RALY: variants seen among roughly 807,000 people sequenced by gnomAD.
The protein encoded by RALY is RALY heterogeneous nuclear ribonucleoprotein, also known as RNA-binding protein Raly.
In RALY, 15 loss-of-function variants were observed where a neutral mutation model predicts 30.7. The observed-to-expected ratio is 0.49, with a 90% CI of 0.33 to 0.75. The LOEUF (loss-of-function observed/expected upper bound fraction) is 0.75, where lower values mean the gene tolerates loss of function less well. Ranked by LOEUF, RALY falls within the 30% of genes least tolerant of loss-of-function variation. The pLI, the probability that RALY is intolerant of heterozygous loss-of-function variation, is 0.02. For missense variants in RALY, 339 were observed against 414.3 expected, an observed-to-expected ratio of 0.82 and a Z score of 1.58; for synonymous variants, 177 against 170.8, an observed-to-expected ratio of 1.04 and a Z score of -0.28.
chr20:34,059,295 A>G (rs917779749), intron 2 of RALY, among the ~76,000 whole-genome samples: 86 of 152,366 alleles, frequency 5.6e-4, no homozygotes, highest in African/African-American at 1.9e-3. Flanking sequence ...ATTTTAATCA[A>G]CTGCCCTGAT....
At chr20:34,079,044 C>T (rs1200520574) in intron 9 of RALY, among the ~76,000 whole-genome samples, 1 of 152,172 alleles carries the variant, frequency 6.6e-6, no homozygotes, top group East Asian at 1.9e-4. Context: ...CAAGAGCCTC[C>T]TGTGGCTGCA....
At chr20:34,011,389 A>C (rs935928218) in intron 1 of RALY, among the ~76,000 whole-genome samples, 1 of 152,192 alleles carries the variant, frequency 6.6e-6, no homozygotes, top group African/African-American at 2.4e-5. Flanking sequence ...GAATGTTGGC[A>C]GTTAACTCAG....
chr20:34,018,824 G>A lies in RALY; in HGVS notation c.-92-12698G>A, dbSNP rs540648105. Among the ~76,000 whole-genome samples the A allele has an allele frequency of 5.3e-5, 8 of 152,292 alleles. No homozygotes were observed. In the South Asian group the frequency reaches 1.7e-3, roughly 32 times the overall value. ...TGCATCCGGAGATGGAGCTCCTAAT[G>A]ATCCTTACTACATACCTTTGAGTTT... On this transcript the variant is annotated intron_variant, in intron 1 of 9. Coordinates refer to ENST00000246194, the MANE Select transcript of RALY (RefSeq NM_016732.3).
intron 1 of RALY, among the ~76,000 whole-genome samples, chr20:34,006,625 A>G (rs945650303): frequency 2.7e-5 from 4 of 148,064 alleles, no homozygotes; most frequent in African/African-American, 1.1e-4. Flanking sequence ...ATATGATTGT[A>G]ATACCATTTT....
Position 34,077,056 on chromosome 20 carries a change from C to T in RALY, c.687C>T (p.Gly229=), listed in dbSNP as rs11538301. The change falls in exon 8 of 10, where the codon GGC becomes GGT. Residue 229 remains glycine (G), a synonymous_variant. Coordinates refer to ENST00000246194, the MANE Select transcript of RALY (RefSeq NM_016732.3). ...PDGKKKGDGG[G]AGGGGGGGGS... is the part of the protein sequence containing the mutation. ...GCAAGAAGAAGGGTGATGGAGGTGGCGCCGGCGGCGGCGGCGGTGGTGGTG... is the reference window on the plus strand; with the variant it reads ...GCAAGAAGAAGGGTGATGGAGGTGGTGCCGGCGGCGGCGGCGGTGGTGGTG... The T allele has an allele frequency of 0.018, 27,136 of 1,537,190 alleles. 3,866 individuals carry two copies. In the African/African-American group the frequency reaches 0.37, roughly 21 times the overall value.
At chr20:34,017,798 A>T (rs1015568444) in intron 1 of RALY, 9 of 152,244 alleles carry the variant, frequency 5.9e-5, no homozygotes, top group Admixed American at 5.9e-4. Flanking sequence ...ATAGTTGGTC[A>T]TTCAACAGAT....
intron 2 of RALY, among the ~76,000 whole-genome samples, chr20:34,032,025 C>T (rs182670145): frequency 4.6e-4 from 70 of 152,292 alleles, no homozygotes; most frequent in Non-Finnish European, 1.9e-4. Flanking sequence ...TGCAATGGCA[C>T]GATCTCGGCT....
chr20:34,029,477 AAAGGGAGG>A (rs2032183694), intron 1 of RALY, among the ~76,000 whole-genome samples: 1 of 73,244 alleles, frequency 1.4e-5, no homozygotes, highest in South Asian at 5.4e-4. Flanking sequence ...GGGAGGGAGG[AAAGGGAGG>A]GAGGGAGGGA....
At chr20:34,001,720 G>A (rs2122973961) in intron 1 of RALY, among the ~76,000 whole-genome samples, 1 of 152,186 alleles carries the variant, frequency 6.6e-6, no homozygotes, top group African/African-American at 2.4e-5. Context: ...TCTAGATTTG[G>A]GTTTTTTTGG....
At chr20:34,072,953 TGTGTGTGA>T (rs1346425792) in intron 3 of RALY, among the ~76,000 whole-genome samples, 5 of 147,332 alleles carry the variant, frequency 3.4e-5, no homozygotes, top group African/African-American at 5.3e-5. Flanking sequence ...TGTGTGTGTG[TGTGTGTGA>T]GAGAGAGAAC....
rs1485449567 is a variant in RALY, at chr20:34,058,064, G to A, written c.-9-14002G>A. Among the ~76,000 whole-genome samples, 3 of 151,990 alleles carry A rather than the reference G, an allele frequency of 2.0e-5. No homozygotes were observed. In the East Asian group the frequency reaches 5.8e-4, roughly 29 times the overall value. On this transcript the variant is annotated intron_variant, in intron 2 of 9. Transcript: ENST00000246194. ...CAGTTGCAGTGTAGAAGCTTGTTTAGTGTAGTGCCTCCTTTTTGAGGGGAA... is the reference window on the plus strand; with the variant it reads ...CAGTTGCAGTGTAGAAGCTTGTTTAATGTAGTGCCTCCTTTTTGAGGGGAA...
At chr20:34,025,633 C>T (rs1411641298) in intron 1 of RALY, among the ~76,000 whole-genome samples, 1 of 151,874 alleles carries the variant, frequency 6.6e-6, no homozygotes, top group Non-Finnish European at 1.5e-5. Context: ...TTCCTGCAGG[C>T]CCTGGAGCTT....
intron 2 of RALY, among the ~76,000 whole-genome samples, chr20:34,039,586 A>C (rs1181957205): frequency 6.6e-6 from 1 of 152,158 alleles, no homozygotes; most frequent in Non-Finnish European, 1.5e-5. Context: ...AAGGCTTTTT[A>C]ACCAGCCAGG....
At chr20:34,027,163 T>C (rs2032075531) in intron 1 of RALY, among the ~76,000 whole-genome samples, 1 of 152,176 alleles carries the variant, frequency 6.6e-6, no homozygotes, top group South Asian at 2.1e-4. Flanking sequence ...GAAAGAACTT[T>C]AGTTTTTCTG....
chr20:34,030,852 C>A (rs1156545279), intron 1 of RALY, among the ~76,000 whole-genome samples: 2 of 152,168 alleles, frequency 1.3e-5, no homozygotes, highest in Non-Finnish European at 2.9e-5. Flanking sequence ...CCCTGGAACA[C>A]TCTTCCCTCA....
At chr20:34,045,520 C>T (rs6120496) in intron 2 of RALY, among the ~76,000 whole-genome samples, 1,771 of 152,240 alleles carry the variant, frequency 0.012, 37 homozygotes, top group African/African-American at 0.041. Context: ...CCCCGAGGTC[C>T]ATTGGGCTGA....
intron 2 of RALY, among the ~76,000 whole-genome samples, chr20:34,036,978 T>G (rs746418344): frequency 5.3e-5 from 8 of 152,240 alleles, no homozygotes; most frequent in Non-Finnish European, 1.0e-4. Flanking sequence ...TTTTCTAATT[T>G]CTGCTGCTTT....
chr20:34,046,012 GC>G (rs2032868427), intron 2 of RALY, among the ~76,000 whole-genome samples: 1 of 152,194 alleles, frequency 6.6e-6, no homozygotes, highest in Admixed American at 6.5e-5. Context: ...GCAGCTAGCA[GC>G]ATTCCAGGAC....
chr20:34,046,139 T>C (rs1461557202), intron 2 of RALY, among the ~76,000 whole-genome samples: 1 of 152,234 alleles, frequency 6.6e-6, no homozygotes. Flanking sequence ...TGTTGCTAAC[T>C]CTGCATCCTT....
Sources: gnomAD v4.1 joint callset for allele counts (sites outside exome capture counted in the v4.1 genomes callset) on GRCh38, gnomAD v4.1.1 for gene constraint, MANE v1.5 for transcripts, NCBI Gene and HGNC (gene_info 2026-07-23, HGNC 2026-07-21) for gene names.